The following DNAJC5 variants were observed in gnomAD, a reference collection of about 807,000 sequenced individuals.
DNAJC5 encodes the protein dnaJ homolog subfamily C member 5.
DNAJC5 carries 1 observed loss-of-function variant against 23.2 expected under a neutral mutation model. The ratio of observed to expected loss-of-function variants is 0.04; its 90% CI spans 0.02 to 0.20. DNAJC5 has a LOEUF of 0.20. Ranked by LOEUF, DNAJC5 falls within the 10% of genes least tolerant of loss-of-function variation. The probability of loss-of-function intolerance (pLI) is 1.00; values close to 1 mark genes in which losing one functional copy is unlikely to be tolerated. For missense variants in DNAJC5, 180 were observed against 267.0 expected (o/e 0.67, Z 2.27); for synonymous variants, 136 against 120.0 (o/e 1.13, Z -0.87).
At chr20:63,905,084 G>A (rs1206740815) in intron 1 of DNAJC5, among the ~76,000 whole-genome samples, 4 of 149,592 alleles carry the variant, frequency 2.7e-5, no homozygotes, top group African/African-American at 9.8e-5. Context: ...GGATTATAGG[G>A]TGAGCCACCG....
chr20:63,902,898 C>T (rs1236906894), intron 1 of DNAJC5, among the ~76,000 whole-genome samples: 7 of 148,372 alleles, frequency 4.7e-5, no homozygotes, highest in South Asian at 4.4e-4. Flanking sequence ...AGGATGGTCT[C>T]GATCTCCTGA....
intron 1 of DNAJC5, among the ~76,000 whole-genome samples, chr20:63,925,722 A>G (rs1004432903): frequency 6.7e-6 from 1 of 148,994 alleles, no homozygotes; most frequent in African/African-American, 2.5e-5. Flanking sequence ...GCGTCACCGC[A>G]CTCCAGCCTG....
At chr20:63,899,367 C>G (rs2053394501) in intron 1 of DNAJC5, among the ~76,000 whole-genome samples, 1 of 152,110 alleles carries the variant, frequency 6.6e-6, no homozygotes, top group Non-Finnish European at 1.5e-5. Flanking sequence ...ATTAGATTAC[C>G]CAACAACCTT....
rs959416951 is a variant in DNAJC5 at position 63,935,193 on chromosome 20, G to C, written c.*3625G>C. ...TGTGGGCTGTGGTGTGTCCGTGTGT[G>C]TACATATGTGTATATGTATATATCA... On this transcript the variant is annotated 3_prime_UTR_variant, in exon 5 of 5. Coordinates refer to ENST00000360864, the MANE Select transcript of DNAJC5 (RefSeq NM_025219.3). 6.6e-6 allele frequency: 1 copy of C among 152,252 alleles called. No individual in the cohort carries two copies. Among genetic ancestry groups the C allele is most frequent in the African/African-American group, 2.4e-5 (1 of 41,446 alleles). The allele number at this position is 152,252 out of a possible 1,614,324, so 9.4% of individuals were successfully genotyped here. A position where few individuals can be genotyped will look rare whatever the true frequency, so the allele number is the denominator to read the frequency against.
intron 1 of DNAJC5, among the ~76,000 whole-genome samples, chr20:63,925,754 C>CAAAA (rs11474228): frequency 0.36 from 53,833 of 148,400 alleles, 12,580 homozygotes; most frequent in East Asian, 0.69. Context: ...GAGACTATCT[C>CAAAA]AAAACCCCAT....
intron 1 of DNAJC5, among the ~76,000 whole-genome samples, chr20:63,918,652 G>A (rs538910782): frequency 1.3e-5 from 2 of 152,320 alleles, no homozygotes; most frequent in East Asian, 3.9e-4. Flanking sequence ...CTGGAGTGCA[G>A]TGGCGCGATC....
intron 1 of DNAJC5, among the ~76,000 whole-genome samples, chr20:63,908,411 C>G (rs1321162559): frequency 6.6e-6 from 1 of 152,210 alleles, no homozygotes; most frequent in African/African-American, 2.4e-5. Flanking sequence ...CGGATCCACT[C>G]TCTGTGTCTT....
intron 1 of DNAJC5, among the ~76,000 whole-genome samples, 192 bp downstream of exon 1, chr20:63,895,515 G>C (rs2053368512): frequency 6.7e-6 from 1 of 148,590 alleles, no homozygotes; most frequent in Non-Finnish European, 1.5e-5. Flanking sequence ...CGGGGGCGCG[G>C]GAAGGTCGGC....
intron 1 of DNAJC5, among the ~76,000 whole-genome samples, chr20:63,906,517 G>A (rs1199331048): frequency 6.6e-6 from 1 of 151,874 alleles, no homozygotes; most frequent in Non-Finnish European, 1.5e-5. Context: ...GAGCACGCTG[G>A]CTCACGCCTG....
At chr20:63,905,353 T>C (rs2053441294) in intron 1 of DNAJC5, among the ~76,000 whole-genome samples, 1 of 151,958 alleles carries the variant, frequency 6.6e-6, no homozygotes, top group Non-Finnish European at 1.5e-5. Context: ...TGACCTCAAG[T>C]GATTGACCCA....
chr20:63,931,518 C>T lies in DNAJC5; in HGVS notation c.547C>T (p.Gln183Ter). The change falls in exon 5 of 5, where the codon CAG becomes TAG. Residue 183 changes from glutamine to a stop codon, truncating the protein, a stop_gained. Transcript: ENST00000360864. LOFTEE classifies it high-confidence loss of function. The surrounding 1 kb of genome is among the most constrained non-coding windows in gnomAD (Gnocchi z 9.6). ...IQPASATETTQLTADSHPSYH... is the reference protein window; with the variant it reads ...IQPASATETT ...GCCGGCATCCGCCACCGAGACCACCCAGCTCACAGCCGACTCCCACCCCAG... is the reference window on the plus strand; with the variant it reads ...GCCGGCATCCGCCACCGAGACCACCTAGCTCACAGCCGACTCCCACCCCAG... The T allele has an allele frequency of 6.3e-7, 1 of 1,583,978 alleles. No homozygotes were observed. Among genetic ancestry groups the T allele is most frequent in the African/African-American group, 1.3e-5 (1 of 74,312 alleles).
chr20:63,927,389 A>G (rs1015276112), intron 1 of DNAJC5, among the ~76,000 whole-genome samples: 5 of 152,184 alleles, frequency 3.3e-5, no homozygotes, highest in African/African-American at 1.2e-4. Context: ...TACCAAAATT[A>G]GCTGGGTGTG....
rs527281228 is a variant in DNAJC5, at chr20:63,919,115, G to A, written c.-11-9220G>A. Among the ~76,000 whole-genome samples the A allele has an allele frequency of 7.9e-5, 12 of 152,160 alleles. 1 individual carries two copies. Among genetic ancestry groups the A allele is most frequent in the Non-Finnish European group, 1.3e-4 (9 of 68,030 alleles). On this transcript the variant is annotated intron_variant, in intron 1 of 4. Coordinates refer to ENST00000360864, the MANE Select transcript of DNAJC5 (RefSeq NM_025219.3). ...TGGAAGTACAGAAATAAGAACACAC[G>A]TATTTTATTTTATTTTTTTACCCCT...
rs750233915 is a variant in DNAJC5 at position 63,930,929 on chromosome 20, G to A, written c.400G>A (p.Gly134Arg). The A allele has an allele frequency of 2.5e-6, 4 of 1,614,138 alleles. No individual in the cohort carries two copies. The highest frequency in any genetic ancestry group is 1.1e-5 in the South Asian group (1 of 91,090). Reference protein sequence around the residue: ...CLCCCFNCCCGKCKPKAPEGE... With the variant: ...CLCCCFNCCCRKCKPKAPEGE... ...GTGCTGCTGCTTCAACTGCTGCTGC[G>A]GGAAGTGTAAGCCCAAGGCGCCTGA... Residue 134 changes from glycine (G) to arginine (R), a missense_variant, in exon 4 of 5, where the codon GGG becomes AGG. By Grantham distance (125) the Gly-to-Arg change is moderately radical. This residue lies in a region of DNAJC5 where 97 missense variants were observed against 123.4 expected (regional missense o/e 0.79). Transcript: ENST00000360864.
At chr20:63,914,648 C>T (rs1019739949) in intron 1 of DNAJC5, among the ~76,000 whole-genome samples, 1 of 144,740 alleles carries the variant, frequency 6.9e-6, no homozygotes, top group African/African-American at 2.6e-5. Context: ...TGGAGTCTCG[C>T]TCTGTCGCCC....
intron 1 of DNAJC5, among the ~76,000 whole-genome samples, chr20:63,924,842 G>A (rs980223022): frequency 6.6e-6 from 1 of 152,264 alleles, no homozygotes; most frequent in Non-Finnish European, 1.5e-5. Context: ...CCCCTGGCCA[G>A]TGATGCCCCA....
chr20:63,929,466 G>A lies in DNAJC5; in HGVS notation c.262G>A (p.Glu88Lys). The A allele has an allele frequency of 1.2e-6, 2 of 1,614,144 alleles. No homozygotes were observed. The highest frequency in any genetic ancestry group is 1.7e-6 in the Non-Finnish European group (2 of 1,180,020). Residue 88 changes from glutamate (E) to lysine (K), a missense_variant, in exon 3 of 5, where the codon GAG becomes AAG. By Grantham distance (56) the Glu-to-Lys change is moderately conservative. This residue lies in a region of DNAJC5 where 6 missense variants were observed against 36.8 expected (regional missense o/e 0.16). Transcript: ENST00000360864. This position sits in a 1 kb window ranked among gnomAD's most constrained non-coding sequence, Gnocchi z 8.6. ...KYGSLGLYVA[E>K]QFGEENVNTY... ...CGGCTCGCTGGGTCTCTACGTGGCC[G>A]AGCAGTTTGGGGAAGAGAACGTGAA...
At position 63,934,376 on chromosome 20, in the gene DNAJC5, C is replaced by G. The variant is rs1156961196; in HGVS notation, c.*2808C>G. ...GGGACCCCGACTCCTCACTCTCGGG[C>G]CGCAGACAATGCTGTGAGCAAGTGT... On this transcript the variant is annotated 3_prime_UTR_variant, in exon 5 of 5. Transcript: ENST00000360864. 6.6e-6 allele frequency: 1 copy of G among 152,330 alleles called. No individual in the cohort carries two copies. Among genetic ancestry groups the G allele is most frequent in the Non-Finnish European group, 1.5e-5 (1 of 68,098 alleles). 9.4% of individuals were successfully genotyped at this position (152,330 alleles called of 1,614,324 possible).
In DNAJC5 at chr20:63,930,949, G is replaced by T. The variant is rs568985915; in HGVS notation, c.420G>T (p.Ala140=). ...NCCCGKCKPK[A]PEGEETEFYV... Reference sequence around the variant, plus strand: ...GCTGCGGGAAGTGTAAGCCCAAGGCGCCTGAAGGCGAGGAGACGGAGTTCT... The same window carrying T: ...GCTGCGGGAAGTGTAAGCCCAAGGCTCCTGAAGGCGAGGAGACGGAGTTCT... The change falls in exon 4 of 5, where the codon GCG becomes GCT. Residue 140 remains alanine (A), a synonymous_variant. Transcript: ENST00000360864. 62 of 1,614,030 alleles carry T rather than the reference G, an allele frequency of 3.8e-5. No homozygotes were observed. The highest frequency in any genetic ancestry group is 4.6e-5 in the Non-Finnish European group (54 of 1,180,052).
Sources: allele counts gnomAD v4.1 joint callset (sites outside exome capture counted in the v4.1 genomes callset), GRCh38; gene constraint gnomAD v4.1.1; regional missense constraint gnomAD v4.1.1; non-coding constraint Gnocchi (gnomAD v3.1); transcripts MANE v1.5; gene names NCBI Gene and HGNC (gene_info 2026-07-23, HGNC 2026-07-21).